The following M1AP variants were observed in gnomAD, a reference collection of about 807,000 sequenced individuals.
M1AP encodes meiosis 1 arrest protein.
Under a neutral mutation model 51.2 loss-of-function variants are expected in M1AP, and 39 were observed. The observed-to-expected ratio is 0.76, with a 90% confidence interval of 0.59 to 1.00. The LOEUF (loss-of-function observed/expected upper bound fraction) is 1.00, where lower values mean the gene tolerates loss of function less well. Ranked by LOEUF, M1AP falls within the 50% of genes least tolerant of loss-of-function variation. The pLI is 0.00. For missense variants in M1AP, 545 were observed against 641.2 expected (o/e 0.85, Z 1.62); for synonymous variants, 251 against 249.2 (o/e 1.01, Z -0.07).
chr2:74,611,882 G>GT (rs1188013311), intron 3 of M1AP, among the ~76,000 whole-genome samples: 4,104 of 42,900 alleles, frequency 0.096, 1,901 homozygotes, highest in African/African-American at 0.27. Context: ...ACAAAAAAGT[G>GT]TTTTTTTTTT....
chr2:74,598,190 T>G (rs1441979284), intron 4 of M1AP, among the ~76,000 whole-genome samples: 1 of 152,152 alleles, frequency 6.6e-6, no homozygotes, highest in Admixed American at 6.5e-5. Context: ...AAGACCAGCC[T>G]GGCCAACATG....
At chr2:74,573,725 C>T (rs1479158217) in intron 7 of M1AP, among the ~76,000 whole-genome samples, 2 of 152,152 alleles carry the variant, frequency 1.3e-5, no homozygotes, top group Middle Eastern at 3.4e-3. Context: ...TAAATAACAC[C>T]GAGATGAACA....
Position 74,645,697 on chromosome 2 carries a change from A to G in M1AP, c.-53+2568T>C, listed in dbSNP as rs1157397820. On this transcript the variant is annotated intron_variant, in intron 1 of 10. Transcript: ENST00000421985. The stretch of plus-strand genomic sequence containing the variant: ...CATGTAATTAAAACTGGGTATAACT[A>G]TGACTGCTGAACTACCTCTGAGCTG... 3.9e-5 allele frequency among the ~76,000 whole-genome samples: 6 copies of G among 152,180 alleles called. No homozygotes were observed. The East Asian group carries it at 1.2e-3, about 29-fold the overall frequency.
At chr2:74,576,765 G>T in intron 5 of M1AP, 147 bp from the exon 6 acceptor site, 1 of 1,222,564 alleles carries the variant, frequency 8.2e-7, no homozygotes, top group Non-Finnish European at 1.1e-6. Context: ...GAGGAGGCAG[G>T]AGAGTGGAAA....
intron 7 of M1AP, among the ~76,000 whole-genome samples, chr2:74,565,825 TCACACACACACACACACACACACA>T (rs72206117): frequency 7.2e-6 from 1 of 138,008 alleles, no homozygotes; most frequent in African/African-American, 2.7e-5. Context: ...TGAGATGCCG[TCACACACACACACACACACACACA>T]CACACACACA....
At position 74,588,002 on chromosome 2, in the gene M1AP, G is replaced by A. The variant is rs147710685; in HGVS notation, c.596-6155C>T. Among the ~76,000 whole-genome samples, 458 of 152,272 alleles carry A rather than the reference G, an allele frequency of 3.0e-3. 3 individuals carry two copies. Among genetic ancestry groups the A allele is most frequent in the South Asian group, 5.2e-3 (25 of 4,816 alleles). On this transcript the variant is annotated intron_variant, in intron 4 of 10. Transcript: ENST00000421985. ...AAATAGGAGACTTTAACATACATAC[G>A]TGCATATACAATGTCTGTATTTCTC...
At chr2:74,605,129 TA>T (rs1437684822) in intron 4 of M1AP, among the ~76,000 whole-genome samples, 1 of 152,208 alleles carries the variant, frequency 6.6e-6, no homozygotes, top group Non-Finnish European at 1.5e-5. Context: ...TCTTATTTAC[TA>T]TTGGTGGAAG....
In M1AP at chr2:74,562,325, G is replaced by A. The variant is rs775976762; in HGVS notation, c.1173C>T (p.His391=). 1.2e-6 allele frequency: 2 copies of A among 1,614,252 alleles called. No homozygotes were observed. Among genetic ancestry groups the A allele is most frequent in the Non-Finnish European group, 1.7e-6 (2 of 1,180,038 alleles). Residue 391 remains histidine (H), a synonymous_variant, in exon 8 of 11, where the codon CAC becomes CAT. Coordinates refer to ENST00000421985, the MANE Select transcript of M1AP (RefSeq NM_001321739.2). ...ASTFYVIMPS[H]SLTLLVKAVA... is the part of the protein sequence containing the mutation. The stretch of plus-strand genomic sequence containing the variant: ...CCGCCTTTACCAGCAGTGTGAGGGA[G>A]TGTGACGGCATGATCACATAGAAGG...
chr2:74,588,166 G>A (rs1679827618), intron 4 of M1AP, among the ~76,000 whole-genome samples: 1 of 152,062 alleles, frequency 6.6e-6, no homozygotes, highest in African/African-American at 2.4e-5. Flanking sequence ...ACATTCATGA[G>A]GCCTGTACTT....
intron 4 of M1AP, among the ~76,000 whole-genome samples, chr2:74,583,065 GA>G (rs1679508421): frequency 6.6e-6 from 1 of 151,434 alleles, no homozygotes. Context: ...ATGGGAGAAA[GA>G]AATCCACTGT....
At chr2:74,641,186 T>C (rs1683277514) in intron 1 of M1AP, among the ~76,000 whole-genome samples, 1 of 152,246 alleles carries the variant, frequency 6.6e-6, no homozygotes, top group Non-Finnish European at 1.5e-5. Context: ...GTTAGCCTCA[T>C]TAGAAATTGT....
intron 2 of M1AP, among the ~76,000 whole-genome samples, chr2:74,627,065 A>G (rs1409094003): frequency 6.6e-6 from 1 of 152,208 alleles, no homozygotes; most frequent in Non-Finnish European, 1.5e-5. Context: ...GAGTCTTCCC[A>G]AAAACGAATG....
intron 4 of M1AP, among the ~76,000 whole-genome samples, chr2:74,601,034 A>C (rs1025684901): frequency 6.6e-6 from 1 of 152,238 alleles, no homozygotes; most frequent in South Asian, 2.1e-4. Flanking sequence ...TTTCCATGCA[A>C]GTTGTATTTA....
chr2:74,583,604 T>A (rs1288927554), intron 4 of M1AP, among the ~76,000 whole-genome samples: 2 of 152,212 alleles, frequency 1.3e-5, no homozygotes, highest in Non-Finnish European at 2.9e-5. Context: ...CCTTGCTTCA[T>A]CAGGAGGGAT....
chr2:74,566,090 G>C (rs1678364912), intron 7 of M1AP, among the ~76,000 whole-genome samples: 1 of 152,178 alleles, frequency 6.6e-6, no homozygotes, highest in Non-Finnish European at 1.5e-5. Flanking sequence ...GTGTGCTGAA[G>C]ACCAGAAGGT....
Position 74,564,399 on chromosome 2 carries a change from G to C in M1AP, c.1075-1976C>G, listed in dbSNP as rs60699214. Among the ~76,000 whole-genome samples the C allele has an allele frequency of 0.03, 4,599 of 152,278 alleles. 419 individuals are homozygous for C. The East Asian group carries it at 0.31, about 10-fold the overall frequency. ...TTCCTGCGGTTGCTGACCTCTTTGT[G>C]GGGTAGGACTTGACTGATAATTCGG... On this transcript the variant is annotated intron_variant, in intron 7 of 10. Coordinates refer to ENST00000421985, the MANE Select transcript of M1AP (RefSeq NM_001321739.2).
chr2:74,629,796 G>A (rs1682600868), intron 2 of M1AP, among the ~76,000 whole-genome samples: 1 of 151,876 alleles, frequency 6.6e-6, no homozygotes, highest in Admixed American at 6.6e-5. Flanking sequence ...GTGTATATAA[G>A]GTATATACGA....
rs764474809 is a variant in M1AP, at chr2:74,558,911, A to G, written c.1435-37T>C. 1.9e-6 allele frequency: 3 copies of G among 1,551,208 alleles called. No individual in the cohort carries two copies. In the Admixed American group the frequency reaches 6.6e-5, roughly 34 times the overall value. On this transcript the variant is annotated intron_variant, in intron 10 of 10. Coordinates refer to ENST00000421985, the MANE Select transcript of M1AP (RefSeq NM_001321739.2). ...GCAACCAGAGCCTTCTCTGAAGATC[A>G]GAGTTTCTGAGCACCTATCCCATTC...
Position 74,640,437 on chromosome 2 carries a change from G to A in M1AP, c.-52-110C>T, listed in dbSNP as rs1573196705. ...CAAATCCAGAAAGGAGTCAGATTGG[G>A]TACTAAAGCTTGTCCAGGCCATCCT... On this transcript the variant is annotated intron_variant, in intron 1 of 10. Coordinates refer to ENST00000421985, the MANE Select transcript of M1AP (RefSeq NM_001321739.2). 1.1e-5 allele frequency: 10 copies of A among 903,272 alleles called. No homozygotes were observed. In the East Asian group the frequency reaches 2.7e-4, roughly 24 times the overall value. 56.0% of individuals were successfully genotyped at this position (903,272 alleles called of 1,614,324 possible).
Sources: gnomAD v4.1 joint callset for allele counts (sites outside exome capture counted in the v4.1 genomes callset) on GRCh38, gnomAD v4.1.1 for gene constraint, MANE v1.5 for transcripts, NCBI Gene and HGNC (gene_info 2026-07-23, HGNC 2026-07-21) for gene names.